The following CNTN5 variants were observed in gnomAD, a reference collection of about 807,000 sequenced individuals.
CNTN5 encodes contactin-5.
Under a neutral mutation model 129.1 loss-of-function variants are expected in CNTN5, and 77 were observed. That is an observed-to-expected ratio of 0.60 (90% CI 0.50 to 0.72). CNTN5 has a LOEUF of 0.72. CNTN5 is among the 30% of genes least tolerant of loss of function. The probability of loss-of-function intolerance (pLI) is 0.00; values close to 1 mark genes in which losing one functional copy is unlikely to be tolerated. For synonymous variants in CNTN5, 509 were observed against 465.6 expected (o/e 1.09, Z -1.20); for missense variants, 1,478 against 1,328.8 (o/e 1.11, Z -1.75).
chr11:99,794,973 G>A (rs565460065), intron 3 of CNTN5, among the ~76,000 whole-genome samples: 2 of 152,236 alleles, frequency 1.3e-5, no homozygotes, highest in Non-Finnish European at 2.9e-5. Flanking sequence ...AGCCTCTATT[G>A]CAAGGTTAAG....
chr11:100,032,937 A>C (rs1366135583), intron 9 of CNTN5, among the ~76,000 whole-genome samples: 3 of 152,146 alleles, frequency 2.0e-5, no homozygotes, highest in African/African-American at 7.2e-5. Flanking sequence ...AATTTTACCT[A>C]GTTTTTTGTT....
At chr11:99,802,887 C>CT (rs980541818) in intron 3 of CNTN5, among the ~76,000 whole-genome samples, 1 of 152,172 alleles carries the variant, frequency 6.6e-6, no homozygotes, top group African/African-American at 2.4e-5. Context: ...GCAACACCAT[C>CT]TATGCACAGG....
At chr11:99,640,901 G>T (rs974129501) in intron 3 of CNTN5, among the ~76,000 whole-genome samples, 4 of 152,172 alleles carry the variant, frequency 2.6e-5, no homozygotes, top group South Asian at 2.1e-4. Context: ...CACAACTCTT[G>T]TTCTCAAAGA....
At chr11:99,747,226 A>G (rs1158438867) in intron 3 of CNTN5, among the ~76,000 whole-genome samples, 1 of 152,124 alleles carries the variant, frequency 6.6e-6, no homozygotes, top group Non-Finnish European at 1.5e-5. Flanking sequence ...ACTTGTTGTT[A>G]GTGTATAGAA....
intron 1 of CNTN5, among the ~76,000 whole-genome samples, chr11:99,025,492 T>TA (rs1459382494): frequency 1.3e-4 from 20 of 151,960 alleles, no homozygotes; most frequent in South Asian, 4.1e-4. Flanking sequence ...ACATCTCATC[T>TA]TCCATTACTA....
chr11:100,309,168 G>C, intron 21 of CNTN5: 1 of 984,734 alleles, frequency 1.0e-6, no homozygotes, highest in Non-Finnish European at 1.2e-6. Context: ...ATGTCTAAAA[G>C]AAAAAAAGAA....
At position 100,115,115 on chromosome 11, in the gene CNTN5, TAA is replaced by T. The variant is rs11388029; in HGVS notation, c.1580+40844_1580+40845del. Among the ~76,000 whole-genome samples the T allele has an allele frequency of 1.3e-4, 10 of 78,406 alleles. No homozygotes were observed. The East Asian group carries it at 2.2e-3, about 17-fold the overall frequency. 51.4% of individuals were successfully genotyped at this position (78,406 alleles called of 152,430 possible). On this transcript the variant is annotated intron_variant, in intron 13 of 24. Transcript: ENST00000524871. Reference sequence around the variant, plus strand: ...TTTCTAGACTGCTATAGGTATACAGTAAAAAAAAAAAAAAAAAAAAAAAAGAA... The same window carrying T: ...TTTCTAGACTGCTATAGGTATACAGTAAAAAAAAAAAAAAAAAAAAAAGAA...
chr11:99,079,961 C>CCTTG (rs1175714475), intron 1 of CNTN5, among the ~76,000 whole-genome samples: 2 of 152,166 alleles, frequency 1.3e-5, no homozygotes, highest in Non-Finnish European at 2.9e-5. Context: ...TCTCTTCTAT[C>CCTTG]CTTGAACTAT....
chr11:99,626,725 C>T (rs990916551), intron 3 of CNTN5, among the ~76,000 whole-genome samples: 10 of 152,128 alleles, frequency 6.6e-5, no homozygotes, highest in South Asian at 6.2e-4. Flanking sequence ...GAGAGTACTA[C>T]GCTGTTAAGA....
chr11:99,354,697 C>T (rs1938521641), intron 2 of CNTN5, among the ~76,000 whole-genome samples: 1 of 152,162 alleles, frequency 6.6e-6, no homozygotes, highest in Non-Finnish European at 1.5e-5. Flanking sequence ...CATGATCTCT[C>T]TCCTGAAAAA....
intron 2 of CNTN5, among the ~76,000 whole-genome samples, chr11:99,481,555 T>C (rs1183827140): frequency 6.6e-6 from 1 of 152,214 alleles, no homozygotes. Context: ...AAGCTGATGC[T>C]GTTATTCCAC....
intron 2 of CNTN5, among the ~76,000 whole-genome samples, chr11:99,389,474 T>G (rs993047792): frequency 1.3e-5 from 2 of 152,194 alleles, no homozygotes; most frequent in African/African-American, 2.4e-5. Context: ...CTGTTCTAGA[T>G]TTTTGAGTCT....
intron 8 of CNTN5, among the ~76,000 whole-genome samples, chr11:99,990,303 G>A (rs545864041): frequency 6.6e-6 from 1 of 151,990 alleles, no homozygotes. Flanking sequence ...GTGTAAGCCA[G>A]CCCCTTGATC....
At chr11:99,125,846 A>G (rs1858599504) in intron 1 of CNTN5, among the ~76,000 whole-genome samples, 1 of 152,130 alleles carries the variant, frequency 6.6e-6, no homozygotes, top group Non-Finnish European at 1.5e-5. Context: ...AACATCACAA[A>G]CTCAAATGAT....
intron 15 of CNTN5, among the ~76,000 whole-genome samples, chr11:100,218,941 T>C (rs1246838829): frequency 6.6e-6 from 1 of 152,222 alleles, no homozygotes; most frequent in Non-Finnish European, 1.5e-5. Context: ...TGGATAAGCA[T>C]GTGAGACAGA....
intron 1 of CNTN5, among the ~76,000 whole-genome samples, chr11:99,207,673 C>T (rs11218826): frequency 0.098 from 14,914 of 152,028 alleles, 969 homozygotes; most frequent in East Asian, 0.33. Context: ...GAATTGAAAA[C>T]ATCAAAAAAT....
At chr11:100,017,388 C>T (rs1338775054) in intron 9 of CNTN5, among the ~76,000 whole-genome samples, 1 of 151,936 alleles carries the variant, frequency 6.6e-6, no homozygotes, top group African/African-American at 2.4e-5. Flanking sequence ...CTCTGAAATC[C>T]AGATGTATAT....
chr11:100,054,529 A>G (rs899426794), intron 9 of CNTN5, among the ~76,000 whole-genome samples: 2 of 151,784 alleles, frequency 1.3e-5, no homozygotes, highest in Non-Finnish European at 3.0e-5. Flanking sequence ...GAAGCGTTTC[A>G]GATTACCTTT....
At chr11:99,760,407 A>T (rs1944539385) in intron 3 of CNTN5, among the ~76,000 whole-genome samples, 1 of 152,138 alleles carries the variant, frequency 6.6e-6, no homozygotes, top group Admixed American at 6.6e-5. Context: ...ATTTCAAAAT[A>T]GGATATATGT....
Sources: gnomAD v4.1 joint callset for allele counts (sites outside exome capture counted in the v4.1 genomes callset) on GRCh38, gnomAD v4.1.1 for gene constraint, MANE v1.5 for transcripts, NCBI Gene and HGNC (gene_info 2026-07-23, HGNC 2026-07-21) for gene names.